MCUB: variants seen among roughly 807,000 people sequenced by gnomAD.
The protein encoded by MCUB is calcium uniporter regulatory subunit MCUb, mitochondrial.
Under a neutral mutation model 41.4 loss-of-function variants are expected in MCUB, and 46 were observed. The observed-to-expected ratio is 1.11, with a 90% CI of 0.88 to 1.42. The LOEUF (loss-of-function observed/expected upper bound fraction) is 1.42. Ranked by LOEUF, MCUB falls within the 40% of genes most tolerant of loss-of-function variation. The pLI, the probability that MCUB is intolerant of heterozygous loss-of-function variation, is 0.00. For synonymous variants in MCUB, 148 were observed against 148.2 expected (o/e 1.00, Z 0.01); for missense variants, 403 against 404.9 (o/e 1.00, Z 0.04).
At chr4:109,669,009 A>G (rs559385977) in intron 4 of MCUB, among the ~76,000 whole-genome samples, 1 of 152,236 alleles carries the variant, frequency 6.6e-6, no homozygotes, top group African/African-American at 2.4e-5. Flanking sequence ...CTAAGCATAC[A>G]TAGTCAAAAC....
intron 1 of MCUB, among the ~76,000 whole-genome samples, chr4:109,570,945 G>A (rs935138997): frequency 6.6e-5 from 10 of 152,094 alleles, no homozygotes; most frequent in Admixed American, 1.3e-4. Flanking sequence ...GGAAGAGAAT[G>A]GGAATGCTAG....
intron 1 of MCUB, among the ~76,000 whole-genome samples, chr4:109,632,007 G>A (rs531824275): frequency 2.0e-5 from 3 of 152,192 alleles, no homozygotes; most frequent in Admixed American, 6.5e-5. Flanking sequence ...TGGCGCTGAT[G>A]CTTGTGTATT....
At chr4:109,572,567 G>A (rs573381893) in intron 1 of MCUB, among the ~76,000 whole-genome samples, 6 of 152,152 alleles carry the variant, frequency 3.9e-5, no homozygotes, top group South Asian at 2.1e-4. Context: ...AGAATAAAAC[G>A]TGTCTTAGTA....
At chr4:109,627,930 A>G (rs1027802091) in intron 1 of MCUB, among the ~76,000 whole-genome samples, 6 of 152,150 alleles carry the variant, frequency 3.9e-5, no homozygotes, top group African/African-American at 1.2e-4. Flanking sequence ...AAAAAAAAAA[A>G]AGAGGATCCT....
At chr4:109,569,914 G>C (rs1168645441) in intron 1 of MCUB, among the ~76,000 whole-genome samples, 2 of 152,144 alleles carry the variant, frequency 1.3e-5, no homozygotes, top group South Asian at 4.1e-4. Context: ...TGCTGTTGGA[G>C]GCTGTCAGGA....
chr4:109,648,358 A>G, intron 1 of MCUB: 1 of 239,036 alleles, frequency 4.2e-6, no homozygotes, highest in South Asian at 4.8e-5. Context: ...GCTGAGAGGG[A>G]GCTGGTGAGA....
intron 1 of MCUB, among the ~76,000 whole-genome samples, chr4:109,655,550 C>T (rs188421700): frequency 2.0e-5 from 3 of 152,140 alleles, no homozygotes; most frequent in East Asian, 1.9e-4. Flanking sequence ...TTCAATCGCT[C>T]GTGAAATTCC....
intron 1 of MCUB, among the ~76,000 whole-genome samples, chr4:109,657,830 A>G (rs184392266): frequency 2.0e-5 from 3 of 152,384 alleles, no homozygotes; most frequent in South Asian, 4.1e-4. Context: ...CAGATGTTGT[A>G]GACTCAGCAC....
Position 109,575,195 on chromosome 4 carries a change from C to T in MCUB, c.99+14759C>T, listed in dbSNP as rs75940576. Among the ~76,000 whole-genome samples, 394 of 152,278 alleles carry T rather than the reference C, an allele frequency of 2.6e-3. 2 individuals are homozygous for T. Among genetic ancestry groups the T allele is most frequent in the African/African-American group, 8.9e-3 (371 of 41,544 alleles). On this transcript the variant is annotated intron_variant, in intron 1 of 7. Transcript: ENST00000394650. The stretch of plus-strand genomic sequence containing the variant: ...TTTGGAGATTGATAAACTCAGATGC[C>T]TTGCTAAAATTAGCCTACTGCTGTT...
At chr4:109,685,047 G>T in intron 6 of MCUB, 1 of 417,084 alleles carries the variant, frequency 2.4e-6, no homozygotes, top group Non-Finnish European at 4.2e-6. Context: ...TTCCCAGCTT[G>T]CCTGTTTTTG....
At chr4:109,574,475 C>CAGCA (rs1726984079) in intron 1 of MCUB, among the ~76,000 whole-genome samples, 1 of 152,130 alleles carries the variant, frequency 6.6e-6, no homozygotes. Flanking sequence ...CTGGAGAAGC[C>CAGCA]ATCTATATCT....
At chr4:109,605,569 C>T (rs542579619) in intron 1 of MCUB, among the ~76,000 whole-genome samples, 3 of 152,284 alleles carry the variant, frequency 2.0e-5, no homozygotes, top group African/African-American at 7.2e-5. Context: ...CAGATTAAAT[C>T]TAATCTTTCT....
chr4:109,635,113 C>G (rs1728559836), intron 1 of MCUB, among the ~76,000 whole-genome samples: 1 of 152,178 alleles, frequency 6.6e-6, no homozygotes, highest in South Asian at 2.1e-4. Flanking sequence ...TCATCCATGT[C>G]CCTGCAAAGG....
In MCUB at chr4:109,664,367, G is replaced by A. The variant is rs138899132; in HGVS notation, c.424G>A (p.Ala142Thr). ...TTTTAAACTTGTCATTAATAAAATAGCATATGATGTGCAGTGTCCAAAGAG... is the reference window on the plus strand; with the variant it reads ...TTTTAAACTTGTCATTAATAAAATAACATATGATGTGCAGTGTCCAAAGAG... ...NDFKLVINKI[A>T]YDVQCPKREK... Residue 142 changes from alanine to threonine, a missense_variant, in exon 4 of 8, where the codon GCA (alanine) becomes ACA (threonine). Physicochemically the swap from Ala to Thr is moderately conservative, Grantham distance 58. Coordinates refer to ENST00000394650, the MANE Select transcript of MCUB (RefSeq NM_017918.5). 5 of 1,487,540 alleles carry A rather than the reference G, an allele frequency of 3.4e-6. No homozygotes were observed. Among genetic ancestry groups the A allele is most frequent in the Non-Finnish European group, 4.7e-6 (5 of 1,066,684 alleles). 92.1% of individuals were successfully genotyped at this position (1,487,540 alleles called of 1,614,324 possible). A position where few individuals can be genotyped will look rare whatever the true frequency, so the allele number is the denominator to read the frequency against.
At position 109,659,769 on chromosome 4, in the gene MCUB, A is replaced by G. The variant is rs561594276; in HGVS notation, c.176-426A>G. Among the ~76,000 whole-genome samples, 4 of 152,252 alleles carry G rather than the reference A, an allele frequency of 2.6e-5. No individual in the cohort carries two copies. The South Asian group carries it at 8.3e-4, about 32-fold the overall frequency. On this transcript the variant is annotated intron_variant, in intron 2 of 7. Coordinates refer to ENST00000394650, the MANE Select transcript of MCUB (RefSeq NM_017918.5). ...CTTCCCAGGCTGAAGCCATCGTCCCAGCTCAGCCTCTTAAGTAGCTGCAAC... is the reference window on the plus strand; with the variant it reads ...CTTCCCAGGCTGAAGCCATCGTCCCGGCTCAGCCTCTTAAGTAGCTGCAAC...
chr4:109,568,321 G>A (rs1397744558), intron 1 of MCUB, among the ~76,000 whole-genome samples: 1 of 152,114 alleles, frequency 6.6e-6, no homozygotes, highest in Non-Finnish European at 1.5e-5. Context: ...AAGGTAAGCA[G>A]GTAAGCAAGC....
chr4:109,591,384 C>G (rs1207404108), intron 1 of MCUB, among the ~76,000 whole-genome samples: 1 of 151,788 alleles, frequency 6.6e-6, no homozygotes, highest in African/African-American at 2.4e-5. Context: ...CAGGGTTTCA[C>G]CATATTGGCC....
At chr4:109,631,143 A>C (rs1229273097) in intron 1 of MCUB, among the ~76,000 whole-genome samples, 2 of 152,252 alleles carry the variant, frequency 1.3e-5, no homozygotes, top group African/African-American at 2.4e-5. Flanking sequence ...ATAATCTTTC[A>C]GAGGAAGCAA....
chr4:109,656,106 T>A (rs529488503), intron 1 of MCUB, among the ~76,000 whole-genome samples: 4 of 152,296 alleles, frequency 2.6e-5, no homozygotes, highest in Admixed American at 2.0e-4. Flanking sequence ...TATTAAATGA[T>A]ACTTTGTAAT....
Sources: gnomAD v4.1 joint callset for allele counts (sites outside exome capture counted in the v4.1 genomes callset) on GRCh38, gnomAD v4.1.1 for gene constraint, MANE v1.5 for transcripts, NCBI Gene and HGNC (gene_info 2026-07-23, HGNC 2026-07-21) for gene names.